CTNND2: variants seen among roughly 807,000 people sequenced by gnomAD.
CTNND2 encodes catenin delta 2, also known as catenin delta-2.
A neutral mutation model predicts 144.4 loss-of-function variants in CTNND2; 22 were observed. That is an observed-to-expected ratio of 0.15 (90% CI 0.11 to 0.22). The LOEUF is 0.22. CTNND2 is among the 10% of genes least tolerant of loss of function. The pLI, the probability that CTNND2 is intolerant of heterozygous loss-of-function variation, is 1.00. For missense variants in CTNND2, 1,353 were observed against 1,618.8 expected (o/e 0.84, Z 2.82); for synonymous variants, 751 against 695.6 (o/e 1.08, Z -1.25).
At chr5:11,615,491 T>G (rs950213140) in intron 2 of CTNND2, among the ~76,000 whole-genome samples, 1 of 152,156 alleles carries the variant, frequency 6.6e-6, no homozygotes, top group Admixed American at 6.5e-5. Context: ...GTACTGAAAT[T>G]AGAAATGATG....
At chr5:11,356,610 G>T (rs1228496397) in intron 8 of CTNND2, among the ~76,000 whole-genome samples, 1 of 151,910 alleles carries the variant, frequency 6.6e-6, no homozygotes, top group African/African-American at 2.4e-5. Flanking sequence ...GAAAACATAG[G>T]TAAAATGCTT....
chr5:11,051,674 T>C (rs1745842629), intron 16 of CTNND2, among the ~76,000 whole-genome samples: 1 of 152,248 alleles, frequency 6.6e-6, no homozygotes, highest in African/African-American at 2.4e-5. Context: ...GGTTTCTTTT[T>C]TTAAAGCTAT....
chr5:11,558,366 G>GTGTGTGTA (rs1776404123), intron 3 of CTNND2, among the ~76,000 whole-genome samples: 1 of 97,288 alleles, frequency 1.0e-5, no homozygotes, highest in Non-Finnish European at 2.3e-5. Flanking sequence ...GTGTGTGTGT[G>GTGTGTGTA]TGTGTGTGTG....
chr5:11,729,129 C>T (rs1349923487), intron 2 of CTNND2, among the ~76,000 whole-genome samples: 1 of 151,596 alleles, frequency 6.6e-6, no homozygotes, highest in African/African-American at 2.4e-5. Context: ...GCACCTGGGG[C>T]TTCTCTATCT....
At chr5:11,128,796 T>A (rs369023860) in intron 12 of CTNND2, among the ~76,000 whole-genome samples, 47 of 18,064 alleles carry the variant, frequency 2.6e-3, no homozygotes, top group Non-Finnish European at 3.8e-3. Flanking sequence ...AAATATATAT[T>A]ATATATATAC....
At chr5:11,382,252 T>C (rs1409302779) in intron 7 of CTNND2, among the ~76,000 whole-genome samples, 2 of 152,234 alleles carry the variant, frequency 1.3e-5, no homozygotes, top group African/African-American at 2.4e-5. Flanking sequence ...TTGGCTGATT[T>C]CTTATCCCTA....
intron 10 of CTNND2, among the ~76,000 whole-genome samples, chr5:11,215,495 A>T (rs763788451): frequency 2.1e-4 from 32 of 152,216 alleles, no homozygotes; most frequent in Non-Finnish European, 2.5e-4. Flanking sequence ...TAATGCAAAA[A>T]TATGTAAAAG....
chr5:11,307,181 T>G (rs1295358675), intron 9 of CTNND2, among the ~76,000 whole-genome samples: 1 of 152,202 alleles, frequency 6.6e-6, no homozygotes, highest in Non-Finnish European at 1.5e-5. Flanking sequence ...CTATAGTAAT[T>G]CTTTCCACAT....
At chr5:11,482,828 C>A (rs767899390) in intron 3 of CTNND2, among the ~76,000 whole-genome samples, 3 of 151,906 alleles carry the variant, frequency 2.0e-5, no homozygotes, top group Admixed American at 6.6e-5. Context: ...GCAAGGAGAC[C>A]AAGGGGCTGG....
intron 3 of CTNND2, among the ~76,000 whole-genome samples, chr5:11,518,051 G>T (rs32625): frequency 0.43 from 65,525 of 151,904 alleles, 14,863 homozygotes; most frequent in South Asian, 0.55. Context: ...TGTTGCCAAA[G>T]GGCACAAAGT....
At chr5:11,186,546 T>C (rs185277848) in intron 11 of CTNND2, among the ~76,000 whole-genome samples, 5 of 152,356 alleles carry the variant, frequency 3.3e-5, no homozygotes, top group Admixed American at 2.0e-4. Flanking sequence ...GATAGTGTAG[T>C]TACCATTAGC....
chr5:11,697,604 T>G (rs528514113), intron 2 of CTNND2, among the ~76,000 whole-genome samples: 1 of 152,214 alleles, frequency 6.6e-6, no homozygotes, highest in East Asian at 1.9e-4. Flanking sequence ...CCTTATGAGG[T>G]GATATTATGC....
chr5:11,762,468 G>A (rs1789321590), intron 1 of CTNND2, among the ~76,000 whole-genome samples: 1 of 152,108 alleles, frequency 6.6e-6, no homozygotes, highest in Non-Finnish European at 1.5e-5. Context: ...CCTCATATGT[G>A]CATATGAAAC....
chr5:11,656,582 C>A (rs1488908103), intron 2 of CTNND2, among the ~76,000 whole-genome samples: 4 of 152,054 alleles, frequency 2.6e-5, no homozygotes, highest in Non-Finnish European at 5.9e-5. Flanking sequence ...ACCCCACCAC[C>A]CACCAATTTC....
At chr5:11,500,069 G>T (rs1172770156) in intron 3 of CTNND2, among the ~76,000 whole-genome samples, 2 of 152,054 alleles carry the variant, frequency 1.3e-5, no homozygotes, top group East Asian at 3.9e-4. Flanking sequence ...TCAATGAAGG[G>T]CATGTTTTTA....
intron 2 of CTNND2, among the ~76,000 whole-genome samples, chr5:11,641,706 A>G (rs1782030840): frequency 7.6e-6 from 1 of 132,280 alleles, no homozygotes; most frequent in Admixed American, 7.5e-5. Context: ...ATATACATAT[A>G]CGTGTGTGTA....
At chr5:11,083,956 C>G (rs1325534950) in intron 15 of CTNND2, 1 of 1,112,754 alleles carries the variant, frequency 9.0e-7, no homozygotes, top group Non-Finnish European at 1.1e-6. Context: ...CAGCCCAGCC[C>G]TGCATGAAAT....
chr5:11,447,631 A>C (rs1581217521), intron 3 of CTNND2, among the ~76,000 whole-genome samples: 1 of 152,186 alleles, frequency 6.6e-6, no homozygotes, highest in East Asian at 1.9e-4. Flanking sequence ...GCTGAAACTT[A>C]AGAGAGTTGG....
intron 3 of CTNND2, among the ~76,000 whole-genome samples, chr5:11,412,339 C>A (rs1761609752): frequency 6.6e-6 from 1 of 152,112 alleles, no homozygotes; most frequent in Non-Finnish European, 1.5e-5. Flanking sequence ...AAAGCCCAAC[C>A]TGTTAGACTC....
Sources: allele counts gnomAD v4.1 joint callset (sites outside exome capture counted in the v4.1 genomes callset), GRCh38; gene constraint gnomAD v4.1.1; transcripts MANE v1.5; gene names NCBI Gene and HGNC (gene_info 2026-07-23, HGNC 2026-07-21).